Variants in VAX2 observed in about 807,000 individuals in gnomAD.
The protein encoded by VAX2 is ventral anterior homeobox 2.
In VAX2, 8 loss-of-function variants were observed where a neutral mutation model predicts 12.5. The ratio of observed to expected loss-of-function variants is 0.64; its 90% CI spans 0.37 to 1.15. The LOEUF (loss-of-function observed/expected upper bound fraction) is 1.15, where lower values mean the gene tolerates loss of function less well. Ranked by LOEUF, VAX2 falls within the 50% of genes most tolerant of loss-of-function variation. The pLI, the probability that VAX2 is intolerant of heterozygous loss-of-function variation, is 0.01. For missense variants in VAX2, 476 were observed against 412.9 expected, an observed-to-expected ratio of 1.15 and a Z score of -1.32; for synonymous variants, 183 against 187.6, an observed-to-expected ratio of 0.98 and a Z score of 0.20.
chr2:70,905,427 T>G (rs1553410469), intron 1 of VAX2, among the ~76,000 whole-genome samples: 1 of 152,184 alleles, frequency 6.6e-6, no homozygotes, highest in Non-Finnish European at 1.5e-5. Context: ...CCTATTCCTA[T>G]GCCGGGCCCT....
intron 1 of VAX2, among the ~76,000 whole-genome samples, chr2:70,919,819 A>G (rs1182548045): frequency 6.6e-6 from 1 of 152,242 alleles, no homozygotes; most frequent in Non-Finnish European, 1.5e-5. Context: ...CCTCTGCATT[A>G]CAGCCTGGGC....
intron 1 of VAX2, among the ~76,000 whole-genome samples, chr2:70,916,033 CCTAA>C (rs1572891993): frequency 1.3e-5 from 2 of 152,112 alleles, no homozygotes; most frequent in East Asian, 3.9e-4. Context: ...AAAATAAATG[CCTAA>C]CTTTTTAAAT....
In VAX2 at chr2:70,900,807, C is replaced by T. The variant is rs782254461; in HGVS notation, c.186C>T (p.Ala62=). ...CCGCAGGCTCCAGGGAGAGTGGAGC[C>T]GACAGCGACGGGCAGCCCGGGCCCG... ...SSPAGSRESG[A]DSDGQPGPGE... The change falls in exon 1 of 3, where the codon GCC becomes GCT. Residue 62 remains alanine (A), a synonymous_variant. Coordinates refer to ENST00000234392, the MANE Select transcript of VAX2 (RefSeq NM_012476.3). The T allele has an allele frequency of 1.3e-6, 2 of 1,491,162 alleles. No homozygotes were observed. Among genetic ancestry groups the T allele is most frequent in the Non-Finnish European group, 1.8e-6 (2 of 1,120,272 alleles). 92.4% of individuals were successfully genotyped at this position (1,491,162 alleles called of 1,614,324 possible). A position where few individuals can be genotyped will look rare whatever the true frequency, so the allele number is the denominator to read the frequency against.
chr2:70,929,700 AATGTAT>A (rs1679653051), intron 2 of VAX2, among the ~76,000 whole-genome samples: 2 of 152,030 alleles, frequency 1.3e-5, no homozygotes, highest in Non-Finnish European at 2.9e-5. Flanking sequence ...AAAAAAAAAC[AATGTAT>A]ATAGCAATCT....
rs905832554 is a variant in VAX2 at position 70,903,809 on chromosome 2, C to T, written c.247+2941C>T. On this transcript the variant is annotated intron_variant, in intron 1 of 2. Coordinates refer to ENST00000234392, the MANE Select transcript of VAX2 (RefSeq NM_012476.3). ...TTCCCCCTCCTTCTGGCTCTGGGCC[C>T]GGGGCCTGGGCTGTACTGGAGGTGA... Among the ~76,000 whole-genome samples the T allele has an allele frequency of 3.3e-5, 5 of 152,140 alleles. No homozygotes were observed. In the East Asian group the frequency reaches 5.8e-4, roughly 18 times the overall value.
rs869309305 is a variant in VAX2 at position 70,906,520 on chromosome 2, C to CTTTTTTTTTTTTTTTT, written c.247+5663_247+5678dup. Reference sequence around the variant, plus strand: ...CTTTCTTTTTTTTTCTTTTCTTTTCCTTTTTTTTTTTTTTTTTTTTTTTTT... The same window carrying CTTTTTTTTTTTTTTTT: ...CTTTCTTTTTTTTTCTTTTCTTTTCCTTTTTTTTTTTTTTTTTTTTTTTTTTTTTTTTTTTTTTTTT... On this transcript the variant is annotated intron_variant, in intron 1 of 2. Transcript: ENST00000234392. 5.1e-4 allele frequency among the ~76,000 whole-genome samples: 31 copies of CTTTTTTTTTTTTTTTT among 60,598 alleles called. 2 individuals are homozygous for CTTTTTTTTTTTTTTTT. Among genetic ancestry groups the CTTTTTTTTTTTTTTTT allele is most frequent in the Non-Finnish European group, 4.9e-4 (18 of 36,564 alleles). The allele number at this position is 60,598 out of a possible 152,430, so 39.8% of individuals were successfully genotyped here. A position where few individuals can be genotyped will look rare whatever the true frequency, so the allele number is the denominator to read the frequency against.
chr2:70,903,207 T>C (rs531391859), intron 1 of VAX2, among the ~76,000 whole-genome samples: 14 of 152,310 alleles, frequency 9.2e-5, no homozygotes, highest in Admixed American at 3.9e-4. Context: ...AGGCCTTCAA[T>C]ACACTTTGCC....
At chr2:70,932,637 A>AGCCCCCCCCCCCCCC in intron 2 of VAX2, 130 bp from the exon 3 acceptor site, 1 of 144,554 alleles carries the variant, frequency 6.9e-6, no homozygotes. Flanking sequence ...CCACCCTCAC[A>AGCCCCCCCCCCCCCC]CCCCACCCCC....
At chr2:70,919,422 G>A (rs1679399093) in intron 1 of VAX2, among the ~76,000 whole-genome samples, 1 of 151,994 alleles carries the variant, frequency 6.6e-6, no homozygotes, top group Admixed American at 6.6e-5. Flanking sequence ...GGGTGTGGTG[G>A]CTCACACCTA....
rs957786229 is a variant in VAX2, at chr2:70,917,729, G to C, written c.248-3369G>C. ...ACCCTGAGGGAGACAGCTGCACTTG[G>C]CTGCTCCCTGAGGTGGCAATCCCCC... On this transcript the variant is annotated intron_variant, in intron 1 of 2. Coordinates refer to ENST00000234392, the MANE Select transcript of VAX2 (RefSeq NM_012476.3). 1.0e-4 allele frequency among the ~76,000 whole-genome samples: 14 copies of C among 136,644 alleles called. 1 individual carries two copies. The highest frequency in any genetic ancestry group is 7.0e-3 in the Middle Eastern group (2 of 284). 89.6% of individuals were successfully genotyped at this position (136,644 alleles called of 152,430 possible).
At chr2:70,925,683 G>T (rs1163771505) in intron 2 of VAX2, among the ~76,000 whole-genome samples, 1 of 152,098 alleles carries the variant, frequency 6.6e-6, no homozygotes, top group Non-Finnish European at 1.5e-5. Flanking sequence ...ATAATGGATG[G>T]ACTCCCCAGG....
intron 2 of VAX2, among the ~76,000 whole-genome samples, chr2:70,927,404 C>T (rs1679598835): frequency 6.6e-6 from 1 of 151,634 alleles, no homozygotes; most frequent in South Asian, 2.1e-4. Flanking sequence ...TGCTCCAGCC[C>T]TTCAGCATTG....
intron 1 of VAX2, among the ~76,000 whole-genome samples, chr2:70,913,897 G>T (rs1553411572): frequency 1.3e-5 from 2 of 152,130 alleles, no homozygotes; most frequent in Non-Finnish European, 2.9e-5. Context: ...ACATAAATGA[G>T]ATTAAACTAC....
chr2:70,927,443 C>T (rs1553413700), intron 2 of VAX2, among the ~76,000 whole-genome samples: 3 of 151,302 alleles, frequency 2.0e-5, no homozygotes, highest in Non-Finnish European at 1.5e-5. Context: ...ATGCCTCTGC[C>T]TCAGATGGCT....
At chr2:70,916,299 C>T (rs1572892128) in intron 1 of VAX2, among the ~76,000 whole-genome samples, 1 of 152,202 alleles carries the variant, frequency 6.6e-6, no homozygotes, top group East Asian at 1.9e-4. Flanking sequence ...TTTTACAAAC[C>T]TATAGTACCT....
chr2:70,903,862 G>A (rs1430736224), intron 1 of VAX2, among the ~76,000 whole-genome samples: 1 of 152,136 alleles, frequency 6.6e-6, no homozygotes, highest in African/African-American at 2.4e-5. Context: ...AGCCACTAAT[G>A]GTAAAGGAAA....
intron 1 of VAX2, 82 bp downstream of exon 1, chr2:70,900,950 C>A: frequency 1.7e-6 from 2 of 1,197,076 alleles, no homozygotes; most frequent in Non-Finnish European, 2.1e-6. Flanking sequence ...GCAGCTGACA[C>A]CTCTCAATTC....
intron 1 of VAX2, among the ~76,000 whole-genome samples, chr2:70,912,645 G>C (rs1679214417): frequency 6.6e-6 from 1 of 152,162 alleles, no homozygotes; most frequent in African/African-American, 2.4e-5. Context: ...CTGGGTGACA[G>C]AGTGAGACTC....
chr2:70,932,834 G>C lies in VAX2; in HGVS notation c.503G>C (p.Arg168Pro), dbSNP rs782009506. The C allele has an allele frequency of 6.2e-7, 1 of 1,612,372 alleles. No individual in the cohort carries two copies. The highest frequency in any genetic ancestry group is 1.7e-5 in the Admixed American group (1 of 59,850). The change falls in exon 3 of 3, where the codon CGG (arginine) becomes CCG (proline). Residue 168 changes from arginine to proline, a missense_variant. Physicochemically the swap from Arg to Pro is moderately radical, Grantham distance 103 (BLOSUM62 -2). Coordinates refer to ENST00000234392, the MANE Select transcript of VAX2 (RefSeq NM_012476.3). ...GACCAGAGCAGAGACCTGGAGAAGC[G>C]GGCGTCCTCCTCAGCCTCCGAGGCC... ...KKDQSRDLEKRASSSASEAFA... is the reference protein window; with the variant it reads ...KKDQSRDLEKPASSSASEAFA...
Sources: gnomAD v4.1 joint callset for allele counts (sites outside exome capture counted in the v4.1 genomes callset) on GRCh38, gnomAD v4.1.1 for gene constraint, MANE v1.5 for transcripts, NCBI Gene and HGNC (gene_info 2026-07-23, HGNC 2026-07-21) for gene names.